Variants in XKR4 observed in about 807,000 individuals in gnomAD.
XKR4 encodes the protein XK related 4.
In XKR4, 12 loss-of-function variants were observed where a neutral mutation model predicts 53.9. The ratio of observed to expected loss-of-function variants is 0.22; its 90% CI spans 0.14 to 0.36. The LOEUF is 0.36. Ranked by LOEUF, XKR4 falls within the 10% of genes least tolerant of loss-of-function variation. XKR4 has a pLI of 1.00. For missense variants in XKR4, 799 were observed against 859.5 expected (o/e 0.93, Z 0.88); for synonymous variants, 354 against 362.4 (o/e 0.98, Z 0.26).
intron 2 of XKR4, among the ~76,000 whole-genome samples, chr8:55,418,686 C>T (rs188359920): frequency 2.4e-3 from 371 of 152,290 alleles, no homozygotes; most frequent in Non-Finnish European, 3.9e-3. Context: ...TCAACATCGT[C>T]CCAGATCTTC....
intron 2 of XKR4, among the ~76,000 whole-genome samples, chr8:55,362,349 A>G (rs1246804458): frequency 2.6e-5 from 4 of 152,186 alleles, no homozygotes; most frequent in African/African-American, 9.7e-5. Flanking sequence ...TGCAAGAAAC[A>G]TCGTGAAGAG....
intron 1 of XKR4, among the ~76,000 whole-genome samples, chr8:55,172,871 C>A (rs976928502): frequency 6.6e-6 from 1 of 152,178 alleles, no homozygotes; most frequent in African/African-American, 2.4e-5. Flanking sequence ...GAGAGCTAGA[C>A]GTATGACCCC....
intron 2 of XKR4, among the ~76,000 whole-genome samples, chr8:55,437,185 TTA>T (rs1189255705): frequency 6.6e-6 from 1 of 152,142 alleles, no homozygotes; most frequent in Non-Finnish European, 1.5e-5. Flanking sequence ...CAATTTTCTT[TTA>T]TATCTTTTTT....
chr8:55,183,243 T>C (rs1189247257), intron 1 of XKR4, among the ~76,000 whole-genome samples: 1 of 151,430 alleles, frequency 6.6e-6, no homozygotes, highest in Non-Finnish European at 1.5e-5. Context: ...ATATGTATTA[T>C]TGCCTTTCTT....
chr8:55,196,015 C>T (rs1181269986), intron 1 of XKR4, among the ~76,000 whole-genome samples: 1 of 152,166 alleles, frequency 6.6e-6, no homozygotes, highest in Non-Finnish European at 1.5e-5. Context: ...CTGTCGGAAA[C>T]TGTTGCAGAG....
At chr8:55,293,206 G>T (rs1819055162) in intron 1 of XKR4, among the ~76,000 whole-genome samples, 2 of 152,052 alleles carry the variant, frequency 1.3e-5, no homozygotes, top group African/African-American at 4.8e-5. Flanking sequence ...GTGATGGTGG[G>T]TGCCTGTAAT....
chr8:55,435,689 C>T, intron 2 of XKR4, among the ~76,000 whole-genome samples: 1 of 10,134 alleles, frequency 9.9e-5, no homozygotes, highest in African/African-American at 4.1e-4. Context: ...CCTTCCTCAC[C>T]CTCCTGAATA....
intron 1 of XKR4, among the ~76,000 whole-genome samples, chr8:55,228,719 GTTC>G (rs1391522026): frequency 4.6e-5 from 7 of 152,140 alleles, no homozygotes; most frequent in African/African-American, 1.4e-4. Flanking sequence ...GCCTCCTTCT[GTTC>G]TTCTTTATGT....
intron 2 of XKR4, among the ~76,000 whole-genome samples, chr8:55,410,695 A>G (rs1246083182): frequency 2.0e-5 from 3 of 151,738 alleles, no homozygotes; most frequent in Non-Finnish European, 2.9e-5. Context: ...CCCTGCCCCA[A>G]TCTCTCTTAC....
chr8:55,195,152 G>A (rs1053126281), intron 1 of XKR4, among the ~76,000 whole-genome samples: 4 of 98,918 alleles, frequency 4.0e-5, no homozygotes, highest in Middle Eastern at 4.4e-3. Flanking sequence ...AATTTTCACC[G>A]ACAAGTCCAT....
chr8:55,449,745 G>A, intron 2 of XKR4: 1 of 981,544 alleles, frequency 1.0e-6, no homozygotes, highest in Non-Finnish European at 1.7e-6. Context: ...TAGTAGCGTA[G>A]CTGGTGCTTG....
In XKR4 at chr8:55,336,157, T is replaced by C. The variant is rs565808346; in HGVS notation, c.807-21521T>C. ...AATTGTAACTCCCACAATTCCCATGTGTCGTGGGAGGAACCTGGTGAGAGG... is the reference window on the plus strand; with the variant it reads ...AATTGTAACTCCCACAATTCCCATGCGTCGTGGGAGGAACCTGGTGAGAGG... On this transcript the variant is annotated intron_variant, in intron 1 of 2. Coordinates refer to ENST00000327381, the MANE Select transcript of XKR4 (RefSeq NM_052898.2). Among the ~76,000 whole-genome samples the C allele has an allele frequency of 1.0e-3, 159 of 152,098 alleles. 2 individuals carry two copies. Among genetic ancestry groups the C allele is most frequent in the African/African-American group, 3.5e-3 (145 of 41,508 alleles).
intron 2 of XKR4, among the ~76,000 whole-genome samples, chr8:55,472,604 G>A (rs1283745738): frequency 2.0e-5 from 3 of 152,084 alleles, no homozygotes; most frequent in Admixed American, 2.0e-4. Context: ...GTCAGAGAGA[G>A]GGATGGGGTC....
At chr8:55,343,584 G>T (rs1380180011) in intron 1 of XKR4, among the ~76,000 whole-genome samples, 2 of 152,154 alleles carry the variant, frequency 1.3e-5, no homozygotes, top group African/African-American at 4.8e-5. Context: ...GACAAACATT[G>T]TCTGCTCTCC....
intron 2 of XKR4, among the ~76,000 whole-genome samples, chr8:55,478,031 T>C (rs1331133493): frequency 1.3e-5 from 2 of 152,026 alleles, no homozygotes; most frequent in Non-Finnish European, 2.9e-5. Flanking sequence ...CAGGTCAACA[T>C]TCAGATTCAG....
chr8:55,367,914 A>G (rs748936466), intron 2 of XKR4, among the ~76,000 whole-genome samples: 2 of 151,616 alleles, frequency 1.3e-5, no homozygotes, highest in Non-Finnish European at 2.9e-5. Flanking sequence ...CCCACAGCCT[A>G]CTTGCCACAC....
chr8:55,436,747 C>T (rs2939623), intron 2 of XKR4, among the ~76,000 whole-genome samples: 82,923 of 152,040 alleles, frequency 0.55, 23,921 homozygotes, highest in African/African-American at 0.73. Context: ...ATGCAAATCA[C>T]TTCTCTTCTT....
rs1338400239 is a variant in XKR4 at position 55,534,527 on chromosome 8, C to T, written c.*10300C>T. ...TAGGTGGGACTACAGGCGCCTGTCA[C>T]CACGCCCGGCTAATTTTTTTGTATT... On this transcript the variant is annotated 3_prime_UTR_variant, in exon 3 of 3. Coordinates refer to ENST00000327381, the MANE Select transcript of XKR4 (RefSeq NM_052898.2). 1.3e-5 allele frequency: 2 copies of T among 151,480 alleles called. No individual in the cohort carries two copies. Among genetic ancestry groups the T allele is most frequent in the Admixed American group, 1.3e-4 (2 of 15,216 alleles). 9.4% of individuals were successfully genotyped at this position (151,480 alleles called of 1,614,324 possible).
chr8:55,266,614 G>A (rs1048977420), intron 1 of XKR4, among the ~76,000 whole-genome samples: 14 of 152,178 alleles, frequency 9.2e-5, no homozygotes, highest in African/African-American at 3.4e-4. Flanking sequence ...CATGGAGAGG[G>A]AGGGAAAAGC....
Sources: allele counts gnomAD v4.1 joint callset (sites outside exome capture counted in the v4.1 genomes callset), GRCh38; gene constraint gnomAD v4.1.1; transcripts MANE v1.5; gene names NCBI Gene and HGNC (gene_info 2026-07-23, HGNC 2026-07-21).